The following CSMD2 variants were observed in gnomAD, a reference collection of about 807,000 sequenced individuals.
CSMD2 encodes CUB and Sushi multiple domains 2, also known as CUB and sushi domain-containing protein 2.
Under a neutral mutation model 398.5 loss-of-function variants are expected in CSMD2, and 130 were observed. The ratio of observed to expected loss-of-function variants is 0.33; its 90% CI spans 0.28 to 0.38. The LOEUF (loss-of-function observed/expected upper bound fraction) is 0.38. CSMD2 is among the 10% of genes least tolerant of loss of function. The probability of loss-of-function intolerance (pLI) is 1.00; values close to 1 mark genes in which losing one functional copy is unlikely to be tolerated. For missense variants in CSMD2, 3,829 were observed against 4,764.9 expected (o/e 0.80, Z 5.78); for synonymous variants, 1,828 against 1,908.5 (o/e 0.96, Z 1.10).
intron 5 of CSMD2, among the ~76,000 whole-genome samples, chr1:33,898,095 T>A (rs954878046): frequency 6.6e-6 from 1 of 152,150 alleles, no homozygotes; most frequent in Non-Finnish European, 1.5e-5. Context: ...TTGCCTAAGG[T>A]CACACAGACA....
intron 48 of CSMD2, 28 bp downstream of exon 48, chr1:33,580,725 G>A (rs1557570154): frequency 6.2e-7 from 1 of 1,613,500 alleles, no homozygotes; most frequent in Non-Finnish European, 8.5e-7. Flanking sequence ...GAGAGGGCCT[G>A]TGGCTTATTT....
intron 10 of CSMD2, among the ~76,000 whole-genome samples, chr1:33,803,334 C>G (rs1223298415): frequency 6.6e-6 from 1 of 152,220 alleles, no homozygotes; most frequent in African/African-American, 2.4e-5. Context: ...AACACCCAAA[C>G]CTCTCTCTTA....
At position 34,032,759 on chromosome 1, in the gene CSMD2, A is replaced by T; in HGVS notation, c.405-53T>A. 2.4e-6 allele frequency: 3 copies of T among 1,269,106 alleles called. No homozygotes were observed. The Admixed American group carries it at 6.0e-5, about 25-fold the overall frequency. 78.6% of individuals were successfully genotyped at this position (1,269,106 alleles called of 1,614,324 possible). A position where few individuals can be genotyped will look rare whatever the true frequency, so the allele number is the denominator to read the frequency against. On this transcript the variant is annotated intron_variant, in intron 2 of 70. Transcript: ENST00000373381. ...GAATGACCCCCTTGGGAAACTACAC[A>T]TCCACGAAGCATTTATTGAGTGCCT...
intron 5 of CSMD2, among the ~76,000 whole-genome samples, chr1:33,887,979 G>GA (rs908302011): frequency 6.6e-6 from 1 of 151,366 alleles, no homozygotes; most frequent in African/African-American, 2.4e-5. Flanking sequence ...TAAGCAACTA[G>GA]AAAAAAAATG....
chr1:34,082,612 G>A (rs1227896138), intron 2 of CSMD2, among the ~76,000 whole-genome samples: 1 of 152,248 alleles, frequency 6.6e-6, no homozygotes, highest in African/African-American at 2.4e-5. Context: ...TGATGACGAT[G>A]GCGGTTTTGT....
chr1:34,060,509 G>C (rs59305409), intron 2 of CSMD2, among the ~76,000 whole-genome samples: 4,952 of 152,220 alleles, frequency 0.033, 104 homozygotes, highest in Middle Eastern at 0.099. Context: ...CGGCAGCCTG[G>C]GGGGAGCTCT....
chr1:33,566,064 A>C (rs1005732848), intron 53 of CSMD2, among the ~76,000 whole-genome samples: 15 of 151,942 alleles, frequency 9.9e-5, no homozygotes, highest in Non-Finnish European at 1.8e-4. Flanking sequence ...TAGGCAAAGA[A>C]GATTCAACAT....
At chr1:33,736,757 C>G (rs373330636) in intron 15 of CSMD2, among the ~76,000 whole-genome samples, 29 of 152,286 alleles carry the variant, frequency 1.9e-4, no homozygotes, top group African/African-American at 7.0e-4. Flanking sequence ...TCTTGTTGGG[C>G]AGACAGGACC....
chr1:34,162,393 C>A (rs756890152), intron 1 of CSMD2, among the ~76,000 whole-genome samples: 8 of 152,084 alleles, frequency 5.3e-5, no homozygotes, highest in African/African-American at 1.9e-4. Flanking sequence ...GGAAGGGAGA[C>A]GGTTCAGTCC....
rs1261786569 is a variant in CSMD2 at position 33,626,351 on chromosome 1, T to A, written c.5296+135A>T. 1.1e-5 allele frequency: 6 copies of A among 547,918 alleles called. No individual in the cohort carries two copies. The African/African-American group carries it at 1.1e-4, about 10-fold the overall frequency. The allele number at this position is 547,918 out of a possible 1,614,324, so 33.9% of individuals were successfully genotyped here. Reference sequence around the variant, plus strand: ...TTAACTGGATTTCAGGGAATTGCCCTACAAACTAGTAACTGCCCCCAAACA... The same window carrying A: ...TTAACTGGATTTCAGGGAATTGCCCAACAAACTAGTAACTGCCCCCAAACA... On this transcript the variant is annotated intron_variant, in intron 33 of 70. Coordinates refer to ENST00000373381, the MANE Select transcript of CSMD2 (RefSeq NM_001281956.2).
At chr1:33,540,782 C>T (rs752691458) in intron 59 of CSMD2, 84 bp from the exon 60 acceptor site, 3 of 1,455,004 alleles carry the variant, frequency 2.1e-6, no homozygotes, top group Non-Finnish European at 2.8e-6. Flanking sequence ...CACCGACTAC[C>T]CTGCACCCAC....
At chr1:34,083,110 CAG>C (rs1323270739) in intron 2 of CSMD2, among the ~76,000 whole-genome samples, 1 of 149,570 alleles carries the variant, frequency 6.7e-6, no homozygotes. Context: ...ATCAAGGAAG[CAG>C]AGATAGAAAA....
chr1:33,617,907 G>T (rs1011350034), intron 37 of CSMD2, among the ~76,000 whole-genome samples: 1 of 152,084 alleles, frequency 6.6e-6, no homozygotes, highest in African/African-American at 2.4e-5. Flanking sequence ...TAGCTAGGGG[G>T]CTTAGCTAGG....
At chr1:33,898,951 G>A (rs1198093260) in intron 5 of CSMD2, among the ~76,000 whole-genome samples, 1 of 152,198 alleles carries the variant, frequency 6.6e-6, no homozygotes, top group Non-Finnish European at 1.5e-5. Flanking sequence ...CAGGAAGCAG[G>A]CCTGCCTGTG....
rs1641998647 is a variant in CSMD2 at position 33,624,792 on chromosome 1, G to T, written c.5501-149C>A. 3.5e-6 allele frequency: 4 copies of T among 1,140,314 alleles called. No homozygotes were observed. The allele number at this position is 1,140,314 out of a possible 1,614,324, so 70.6% of individuals were successfully genotyped here. A position where few individuals can be genotyped will look rare whatever the true frequency, so the allele number is the denominator to read the frequency against. On this transcript the variant is annotated intron_variant, in intron 34 of 70. Transcript: ENST00000373381. The surrounding 1 kb of genome is among the most constrained non-coding windows in gnomAD (Gnocchi z 4.7). ...TGTCCCCAGTCCTGCCTTCTCCACG[G>T]CCTCTCCCCATGCAACTCTGTTCGG...
intron 5 of CSMD2, chr1:33,862,324 G>A (rs1639579792): frequency 7.1e-6 from 1 of 141,000 alleles, no homozygotes; most frequent in East Asian, 2.2e-4. Flanking sequence ...GGAAGGTTAA[G>A]AGGCACAGAT....
rs1174915339 is a variant in CSMD2, at chr1:33,743,571, C to A, written c.1882G>T (p.Val628Phe). 1.2e-6 allele frequency: 2 copies of A among 1,607,266 alleles called. No homozygotes were observed. The highest frequency in any genetic ancestry group is 3.4e-5 in the Admixed American group (2 of 59,682). Reference sequence around the variant, plus strand: ...TCTGGGTAGTTGGGAGACAGGACAACCCCAGACGGGCTGGTGAAGTTGAAG... The same window carrying A: ...TCTGGGTAGTTGGGAGACAGGACAAACCCAGACGGGCTGGTGAAGTTGAAG... ...CFFNFTSPSGVVLSPNYPEDY... is the reference protein window; with the variant it reads ...CFFNFTSPSGFVLSPNYPEDY... The change falls in exon 14 of 71, where the codon GTT becomes TTT. Residue 628 changes from valine to phenylalanine, a missense_variant. Around this residue, in one of 5 missense-constraint regions of CSMD2, gnomAD observed 2,001 missense variants for 2,567.1 expected, o/e 0.78. Coordinates refer to ENST00000373381, the MANE Select transcript of CSMD2 (RefSeq NM_001281956.2).
intron 3 of CSMD2, among the ~76,000 whole-genome samples, chr1:33,948,296 T>C (rs1463460270): frequency 6.6e-6 from 1 of 152,186 alleles, no homozygotes; most frequent in Non-Finnish European, 1.5e-5. Flanking sequence ...GGTGGTAGAA[T>C]GGACTCTACC....
intron 32 of CSMD2, among the ~76,000 whole-genome samples, chr1:33,632,397 A>G (rs1642516457): frequency 6.6e-6 from 1 of 152,144 alleles, no homozygotes; most frequent in Non-Finnish European, 1.5e-5. Context: ...GTAGCTTATA[A>G]AATATGGAGC....
Sources: allele counts gnomAD v4.1 joint callset (sites outside exome capture counted in the v4.1 genomes callset), GRCh38; gene constraint gnomAD v4.1.1; regional missense constraint gnomAD v4.1.1; non-coding constraint Gnocchi (gnomAD v3.1); transcripts MANE v1.5; gene names NCBI Gene and HGNC (gene_info 2026-07-23, HGNC 2026-07-21).